KRT9: variants seen among roughly 807,000 people sequenced by gnomAD.
The protein encoded by KRT9 is keratin 9.
KRT9 carries 34 observed loss-of-function variants against 51.4 expected under a neutral mutation model. That is an observed-to-expected ratio of 0.66 (90% CI 0.50 to 0.88). KRT9 has a LOEUF of 0.88. Ranked by LOEUF, KRT9 falls within the 40% of genes least tolerant of loss-of-function variation. KRT9 has a pLI of 0.00. For synonymous variants in KRT9, 292 were observed against 289.7 expected (o/e 1.01, Z -0.08); for missense variants, 753 against 790.3 (o/e 0.95, Z 0.57).
In KRT9 at chr17:41,571,619, C is replaced by T. The variant is rs562240907; in HGVS notation, c.374G>A (p.Gly125Asp). The change falls in exon 1 of 8, where the codon GGT becomes GAT. Residue 125 changes from glycine to aspartate, a missense_variant. This residue lies in a region of KRT9 where 241 missense variants were observed against 210.3 expected (regional missense o/e 1.15). Transcript: ENST00000246662. ...FGGGSGGGFG[G>D]GYGSGFGGFG... is the part of the protein sequence containing the mutation. ...CCCCCCAAACCCACTCCCATAGCCACCACCAAAGCCACCTCCAGAACCACC... is the reference window on the plus strand; with the variant it reads ...CCCCCCAAACCCACTCCCATAGCCATCACCAAAGCCACCTCCAGAACCACC... 1 of 1,606,076 alleles carries T rather than the reference C, an allele frequency of 6.2e-7. No homozygotes were observed. The highest frequency in any genetic ancestry group is 2.3e-5 in the East Asian group (1 of 44,304).
chr17:41,570,084 G>C, intron 2 of KRT9, 54 bp downstream of exon 2: 1 of 1,612,418 alleles, frequency 6.2e-7, no homozygotes, highest in Non-Finnish European at 8.5e-7. Context: ...CCAGAGCACT[G>C]AGGTTCAGGG....
chr17:41,571,743 T>G lies in KRT9; in HGVS notation c.250A>C (p.Ser84Arg), dbSNP rs563000405. 1 of 1,612,812 alleles carries G rather than the reference T, an allele frequency of 6.2e-7. No individual in the cohort carries two copies. Among genetic ancestry groups the G allele is most frequent in the East Asian group, 2.2e-5 (1 of 44,796 alleles). The change falls in exon 1 of 8, where the codon AGT (serine) becomes CGT (arginine). Residue 84 changes from serine to arginine, a missense_variant. Transcript: ENST00000246662. Reference sequence around the variant, plus strand: ...CCCCCAAAGCCACCGCCTAAACTACTGGCACTAAAACCACCCCCAGATCCT... The same window carrying G: ...CCCCCAAAGCCACCGCCTAAACTACGGGCACTAAAACCACCCCCAGATCCT... ...GGGSGGGFSA[S>R]SLGGGFGGGS...
intron 7 of KRT9, among the ~76,000 whole-genome samples, 186 bp downstream of exon 7, chr17:41,567,047 A>G (rs183450458): frequency 4.6e-5 from 7 of 151,126 alleles, no homozygotes; most frequent in Admixed American, 3.3e-4. Flanking sequence ...TCCTAGCCTC[A>G]TCCTAGGCTC....
chr17:41,571,320 G>C, intron 1 of KRT9, 31 bp downstream of exon 1: 2 of 1,581,516 alleles, frequency 1.3e-6, no homozygotes, highest in Non-Finnish European at 1.7e-6. Flanking sequence ...AAGAGAAAGA[G>C]ACCAAGACAG....
chr17:41,570,082 C>T, intron 2 of KRT9, 56 bp downstream of exon 2: 2 of 1,611,938 alleles, frequency 1.2e-6, no homozygotes, highest in Non-Finnish European at 1.7e-6. Context: ...CTCCAGAGCA[C>T]TGAGGTTCAG....
chr17:41,570,880 T>C (rs562319699), intron 1 of KRT9, among the ~76,000 whole-genome samples: 1 of 152,252 alleles, frequency 6.6e-6, no homozygotes, highest in East Asian at 1.9e-4. Context: ...GAGGAAGGGA[T>C]AGATGGAAGG....
In KRT9 at chr17:41,568,611, A is replaced by G. The variant is rs1906962519; in HGVS notation, c.1067T>C (p.Val356Ala). ...CTGCACCTCCTGACCACTACTGGATACCTCATGCTCGATCTGGGTTATCTG... is the reference window on the plus strand; with the variant it reads ...CTGCACCTCCTGACCACTACTGGATGCCTCATGCTCGATCTGGGTTATCTG... ...ETQITQIEHE[V>A]SSSGQEVQSS... The change falls in exon 5 of 8, where the codon GTA (valine) becomes GCA (alanine). Residue 356 changes from valine (V) to alanine (A), a missense_variant. Coordinates refer to ENST00000246662, the MANE Select transcript of KRT9 (RefSeq NM_000226.4). The G allele has an allele frequency of 6.2e-7, 1 of 1,614,078 alleles. No individual in the cohort carries two copies. Among genetic ancestry groups the G allele is most frequent in the Non-Finnish European group, 8.5e-7 (1 of 1,180,016 alleles).
In KRT9 at chr17:41,571,748, C is replaced by A; in HGVS notation, c.245G>T (p.Ser82Ile). 6.2e-7 allele frequency: 1 copy of A among 1,613,714 alleles called. No homozygotes were observed. The part of the protein sequence containing the change: ...SYGGGSGGGF[S>I]ASSLGGGFGG... ...AAAGCCACCGCCTAAACTACTGGCACTAAAACCACCCCCAGATCCTCCGCC... is the reference window on the plus strand; with the variant it reads ...AAAGCCACCGCCTAAACTACTGGCAATAAAACCACCCCCAGATCCTCCGCC... Residue 82 changes from serine (S) to isoleucine (I), a missense_variant, in exon 1 of 8, where the codon AGT becomes ATT. Ser to Ile is a moderately radical substitution (Grantham distance 142, BLOSUM62 -2). This residue lies in a region of KRT9 where 241 missense variants were observed against 210.3 expected (regional missense o/e 1.15). Transcript: ENST00000246662.
rs760784005 is a variant in KRT9, at chr17:41,569,957, G to T, written c.784C>A (p.Gln262Lys). The T allele has an allele frequency of 1.9e-6, 3 of 1,614,172 alleles. No homozygotes were observed. The highest frequency in any genetic ancestry group is 2.5e-6 in the Non-Finnish European group (3 of 1,180,030). The change falls in exon 3 of 8, where the codon CAG becomes AAG. Residue 262 changes from glutamine to lysine, a missense_variant. Physicochemically the swap from Gln to Lys is moderately conservative, Grantham distance 53. This residue lies in a region of KRT9 where 507 missense variants were observed against 563.7 expected (regional missense o/e 0.90). Transcript: ENST00000246662. ...GVDADINGLRQVLDNLTMEKS... is the reference protein window; with the variant it reads ...GVDADINGLRKVLDNLTMEKS... ...TCCATGGTCAGATTGTCCAGCACCT[G>T]CCGCAGGCCATTGATGTCAGCATCC... is the stretch of plus-strand genomic sequence containing the variant.
rs1275812714 is a variant in KRT9 at position 41,571,837 on chromosome 17, G to A, written c.156C>T (p.Gly52=). The A allele has an allele frequency of 9.9e-6, 16 of 1,611,702 alleles. No individual in the cohort carries two copies. Among genetic ancestry groups the A allele is most frequent in the Non-Finnish European group, 1.4e-5 (16 of 1,178,644 alleles). Residue 52 remains glycine, a synonymous_variant, in exon 1 of 8, where the codon GGC becomes GGT. Coordinates refer to ENST00000246662, the MANE Select transcript of KRT9 (RefSeq NM_000226.4). ...AGACACGAGAGCTTCCCCCACCATA[G>A]CCACTAGAAGAGCTGAATCGGCCCC... ...GGGGRFSSSS[G]YGGGSSRVCG... is the part of the protein sequence containing the mutation.
chr17:41,570,112 G>T (rs974325852), intron 2 of KRT9, 26 bp downstream of exon 2: 13 of 1,612,276 alleles, frequency 8.1e-6, no homozygotes, highest in Non-Finnish European at 1.0e-5. Context: ...CTGATGACAG[G>T]AGAGGAGAAG....
At chr17:41,569,690 T>C (rs1464103732) in intron 3 of KRT9, 103 bp from the exon 4 acceptor site, 1 of 1,534,856 alleles carries the variant, frequency 6.5e-7, no homozygotes, top group Non-Finnish European at 9.0e-7. Flanking sequence ...GGGACACAGT[T>C]GTGAAGCCAA....
At chr17:41,568,097 G>A (rs1906938766) in intron 6 of KRT9, 65 bp downstream of exon 6, 1 of 1,367,558 alleles carries the variant, frequency 7.3e-7, no homozygotes, top group Non-Finnish European at 1.0e-6. Flanking sequence ...TCTATCCAGA[G>A]GGACAGAAGT....
chr17:41,568,208 C>T lies in KRT9; in HGVS notation c.1348G>A (p.Glu450Lys). The change falls in exon 6 of 8, where the codon GAA becomes AAA. Residue 450 changes from glutamate (E) to lysine (K), a missense_variant. Glu to Lys is a moderately conservative substitution (Grantham distance 56). Coordinates refer to ENST00000246662, the MANE Select transcript of KRT9 (RefSeq NM_000226.4). ...AGGAGGTTGTGGTAGGTCTCGATTT[C>T]CTTCTCCAGCCGCATCTTAATGCTG... ...LLSIKMRLEK[E>K]IETYHNLLEG... is the part of the protein sequence containing the mutation. 6.2e-7 allele frequency: 1 copy of T among 1,614,084 alleles called. No individual in the cohort carries two copies. The highest frequency in any genetic ancestry group is 2.2e-5 in the East Asian group (1 of 44,878).
chr17:41,570,371 C>A, intron 1 of KRT9, 151 bp from the exon 2 acceptor site: 1 of 740,842 alleles, frequency 1.3e-6, no homozygotes. Flanking sequence ...ATGGCACAGA[C>A]CCCTTCCAGC....
At chr17:41,571,055 C>G (rs1034078091) in intron 1 of KRT9, among the ~76,000 whole-genome samples, 1 of 151,264 alleles carries the variant, frequency 6.6e-6, no homozygotes, top group African/African-American at 2.4e-5. Context: ...TAGACCAAAC[C>G]TAAAGGAGGT....
intron 4 of KRT9, 151 bp downstream of exon 4, chr17:41,569,275 A>C (rs1906987267): frequency 2.5e-6 from 2 of 816,214 alleles, no homozygotes; most frequent in Non-Finnish European, 4.2e-6. Context: ...CAGTGAATGA[A>C]GATGGATGAA....
At position 41,571,531 on chromosome 17, in the gene KRT9, C is replaced by T; in HGVS notation, c.462G>A (p.Lys154=). 1.2e-6 allele frequency: 2 copies of T among 1,613,846 alleles called. No homozygotes were observed. The change falls in exon 1 of 8, where the codon AAG becomes AAA. Residue 154 remains lysine (K), a synonymous_variant. Transcript: ENST00000246662. ...GAGAATTGAGTTCCTGCATGGTGCT[C>T]TTCTCATTAGCAGTCAGAATACCAC... is the stretch of plus-strand genomic sequence containing the variant. ...GDGGILTANE[K]STMQELNSRL...
intron 1 of KRT9, among the ~76,000 whole-genome samples, chr17:41,570,731 A>G (rs1464433301): frequency 6.6e-6 from 1 of 152,222 alleles, no homozygotes; most frequent in Non-Finnish European, 1.5e-5. Flanking sequence ...CACTGAGAAT[A>G]CTGAAGAGCC....
Sources: allele counts gnomAD v4.1 joint callset (sites outside exome capture counted in the v4.1 genomes callset), GRCh38; gene constraint gnomAD v4.1.1; regional missense constraint gnomAD v4.1.1; transcripts MANE v1.5; gene names NCBI Gene and HGNC (gene_info 2026-07-23, HGNC 2026-07-21).